The following C2CD3 variants were observed in gnomAD, a reference collection of about 807,000 sequenced individuals.
C2CD3 encodes C2 domain containing 3 centriole elongation regulator, also known as C2 domain-containing protein 3.
A neutral mutation model predicts 234.0 loss-of-function variants in C2CD3; 148 were observed. That is an observed-to-expected ratio of 0.63 (90% CI 0.55 to 0.72). The LOEUF (loss-of-function observed/expected upper bound fraction) is 0.72. C2CD3 is among the 30% of genes least tolerant of loss of function. The probability of loss-of-function intolerance (pLI) is 0.00; values close to 1 mark genes in which losing one functional copy is unlikely to be tolerated. For synonymous variants in C2CD3, 1,000 were observed against 1,035.4 expected (o/e 0.97, Z 0.66); for missense variants, 2,577 against 2,811.5 (o/e 0.92, Z 1.89).
chr11:74,163,045 A>C (rs566047440), intron 2 of C2CD3, among the ~76,000 whole-genome samples: 8 of 152,224 alleles, frequency 5.3e-5, no homozygotes, highest in Non-Finnish European at 1.2e-4. Context: ...TAATGTATGC[A>C]TAAGGAATCT....
At chr11:74,109,181 G>T in intron 11 of C2CD3, 29 bp from the exon 12 acceptor site, 1 of 1,199,122 alleles carries the variant, frequency 8.3e-7, no homozygotes, top group Non-Finnish European at 1.2e-6. Context: ...ACACAGACAT[G>T]TCACACCACC....
intron 4 of C2CD3, among the ~76,000 whole-genome samples, 158 bp downstream of exon 4, chr11:74,139,447 C>T (rs1043038502): frequency 2.6e-5 from 4 of 152,188 alleles, no homozygotes; most frequent in African/African-American, 9.7e-5. Flanking sequence ...CACCTAGTAT[C>T]AAACCAGGAC....
chr11:74,041,946 T>C (rs752010467), intron 29 of C2CD3, 108 bp downstream of exon 29: 1 of 1,083,728 alleles, frequency 9.2e-7, no homozygotes, highest in East Asian at 2.4e-5. Flanking sequence ...TCTACTAATG[T>C]TCCTAGGGCG....
intron 27 of C2CD3, 108 bp downstream of exon 27, chr11:74,049,229 T>C: frequency 1.1e-6 from 1 of 875,242 alleles, no homozygotes; most frequent in Non-Finnish European, 1.8e-6. Context: ...GAGACACATA[T>C]AGTATATAAC....
At chr11:74,014,470 TAG>T (rs1951807610) in intron 32 of C2CD3, among the ~76,000 whole-genome samples, 1 of 152,200 alleles carries the variant, frequency 6.6e-6, no homozygotes, top group Non-Finnish European at 1.5e-5. Context: ...GTGGAGACCC[TAG>T]AGACTGGGAC....
intron 26 of C2CD3, among the ~76,000 whole-genome samples, chr11:74,051,229 A>G (rs923876431): frequency 6.8e-6 from 1 of 146,966 alleles, no homozygotes; most frequent in African/African-American, 2.7e-5. Context: ...TCAGGAGTTC[A>G]CAGCTGCAGT....
chr11:74,106,553 A>G (rs541674120), intron 12 of C2CD3, 60 bp from the exon 13 acceptor site: 5 of 1,522,484 alleles, frequency 3.3e-6, no homozygotes, highest in Non-Finnish European at 4.5e-6. Context: ...GGTGATCTTA[A>G]TTAAAGTGAC....
rs146539909 is a variant in C2CD3 at position 74,034,314 on chromosome 11, A to C, written c.5882-36T>G. 229 of 1,511,834 alleles carry C rather than the reference A, an allele frequency of 1.5e-4. 1 individual carries two copies. The East Asian group carries it at 5.1e-3, about 34-fold the overall frequency. The allele number at this position is 1,511,834 out of a possible 1,614,324, so 93.7% of individuals were successfully genotyped here. A position where few individuals can be genotyped will look rare whatever the true frequency, so the allele number is the denominator to read the frequency against. On this transcript the variant is annotated intron_variant, in intron 30 of 32. Transcript: ENST00000334126. ...ACACATATCACTCTTATTACAAGGT[A>C]GGGCCACAGACCCCTCAAATTTCCC...
intron 24 of C2CD3, among the ~76,000 whole-genome samples, chr11:74,068,063 A>T (rs1954625077): frequency 6.6e-6 from 1 of 152,162 alleles, no homozygotes; most frequent in African/African-American, 2.4e-5. Flanking sequence ...TTGGCACTGT[A>T]TTCTGAACTT....
intron 3 of C2CD3, among the ~76,000 whole-genome samples, chr11:74,150,531 AC>A (rs1855568202): frequency 3.3e-4 from 33 of 99,856 alleles, no homozygotes; most frequent in African/African-American, 1.4e-3. Context: ...AAAAAACAAA[AC>A]AAATTTCTAA....
intron 5 of C2CD3, among the ~76,000 whole-genome samples, chr11:74,138,467 C>T (rs926814335): frequency 6.6e-6 from 1 of 152,188 alleles, no homozygotes; most frequent in East Asian, 1.9e-4. Flanking sequence ...GTTTTCCCCT[C>T]ATATCCAATT....
intron 3 of C2CD3, among the ~76,000 whole-genome samples, chr11:74,147,102 T>C (rs1337130900): frequency 1.3e-5 from 2 of 151,872 alleles, no homozygotes; most frequent in African/African-American, 4.8e-5. Context: ...AAAATTCCCT[T>C]GGTCAATATT....
At position 74,158,507 on chromosome 11, in the gene C2CD3, G is replaced by A. The variant is rs532725127; in HGVS notation, c.483+2892C>T. On this transcript the variant is annotated intron_variant, in intron 3 of 32. Transcript: ENST00000334126. ...GGAGGCCAAGGCGGGCGGATCACCC[G>A]AGGTCAGGAGTTCGAGACCAGCCTG... 3.3e-5 allele frequency among the ~76,000 whole-genome samples: 5 copies of A among 152,136 alleles called. No individual in the cohort carries two copies. The South Asian group carries it at 1.0e-3, about 32-fold the overall frequency.
At chr11:74,060,299 G>A (rs1172591906) in intron 24 of C2CD3, among the ~76,000 whole-genome samples, 1 of 152,238 alleles carries the variant, frequency 6.6e-6, no homozygotes, top group Non-Finnish European at 1.5e-5. Flanking sequence ...TTTGAGATCT[G>A]AGAACGGACA....
intron 21 of C2CD3, 65 bp from the exon 22 acceptor site, chr11:74,085,035 T>C (rs113152752): frequency 3.5e-6 from 3 of 861,956 alleles, no homozygotes; most frequent in African/African-American, 1.7e-5. Flanking sequence ...TAGTTTACAG[T>C]ATATCCACAC....
At chr11:74,059,328 G>A (rs572098512) in intron 24 of C2CD3, among the ~76,000 whole-genome samples, 5 of 146,994 alleles carry the variant, frequency 3.4e-5, no homozygotes, top group African/African-American at 5.2e-5. Flanking sequence ...GGAGAATGGC[G>A]TGAACCTGGG....
intron 24 of C2CD3, among the ~76,000 whole-genome samples, chr11:74,059,140 C>T (rs1010752034): frequency 4.6e-5 from 7 of 152,158 alleles, no homozygotes; most frequent in Admixed American, 4.6e-4. Flanking sequence ...AATCGACATG[C>T]TCCAGGGAAC....
intron 5 of C2CD3, among the ~76,000 whole-genome samples, chr11:74,134,527 T>C (rs187836597): frequency 6.6e-6 from 1 of 152,268 alleles, no homozygotes; most frequent in African/African-American, 2.4e-5. Context: ...ATTCTGTTTC[T>C]AAATAAAAAC....
Position 74,057,582 on chromosome 11 carries a change from T to C in C2CD3, c.4952-38A>G, listed in dbSNP as rs1401221100. 4 of 1,611,238 alleles carry C rather than the reference T, an allele frequency of 2.5e-6. No individual in the cohort carries two copies. In the African/African-American group the frequency reaches 4.0e-5, roughly 16 times the overall value. On this transcript the variant is annotated intron_variant, in intron 24 of 32. Transcript: ENST00000334126. ...AAAGTGCAGTGACTGTACTTTAGGG[T>C]ACACAAGAAGCCTCAGATTATACAG...
Sources: gnomAD v4.1 joint callset for allele counts (sites outside exome capture counted in the v4.1 genomes callset) on GRCh38, gnomAD v4.1.1 for gene constraint, MANE v1.5 for transcripts, NCBI Gene and HGNC (gene_info 2026-07-23, HGNC 2026-07-21) for gene names.